EZR: variants seen among roughly 807,000 people sequenced by gnomAD.
EZR encodes cytovillin 2.
A neutral mutation model predicts 74.8 loss-of-function variants in EZR; 40 were observed. The observed-to-expected ratio is 0.53, with a 90% CI of 0.42 to 0.70. The LOEUF (loss-of-function observed/expected upper bound fraction) is 0.70. Among genes scored for constraint, EZR ranks in the 30% least tolerant of loss-of-function variants. The pLI is 0.00. For missense variants in EZR, 678 were observed against 755.8 expected (o/e 0.90, Z 1.21); for synonymous variants, 341 against 283.3 (o/e 1.20, Z -2.05).
intron 2 of EZR, among the ~76,000 whole-genome samples, chr6:158,804,354 TTCTCA>T (rs1463079950): frequency 2.0e-5 from 3 of 152,236 alleles, no homozygotes; most frequent in African/African-American, 4.8e-5. Flanking sequence ...ATCTACATCC[TTCTCA>T]TCTCCTTACC....
At chr6:158,817,809 G>C (rs1470045055) in intron 2 of EZR, among the ~76,000 whole-genome samples, 1 of 152,086 alleles carries the variant, frequency 6.6e-6, no homozygotes, top group African/African-American at 2.4e-5. Context: ...AGTGTAAAAA[G>C]GCCTCTAGTT....
intron 8 of EZR, among the ~76,000 whole-genome samples, chr6:158,772,639 C>G (rs1385224089): frequency 6.6e-6 from 1 of 152,212 alleles, no homozygotes; most frequent in East Asian, 1.9e-4. Flanking sequence ...GGTCCCAACT[C>G]CTTGCTACTG....
intron 1 of EZR, among the ~76,000 whole-genome samples, chr6:158,818,420 G>GC (rs899494658): frequency 2.0e-5 from 3 of 151,134 alleles, no homozygotes; most frequent in African/African-American, 4.9e-5. Flanking sequence ...CACTGGAGGT[G>GC]CCCCCCAGTT....
intron 8 of EZR, among the ~76,000 whole-genome samples, chr6:158,773,723 C>T (rs985851016): frequency 2.0e-5 from 3 of 152,248 alleles, no homozygotes; most frequent in African/African-American, 4.8e-5. Flanking sequence ...AAAAAGGCAG[C>T]GGGGCTCCTG....
At chr6:158,797,098 T>C (rs1777089849) in intron 2 of EZR, among the ~76,000 whole-genome samples, 1 of 152,238 alleles carries the variant, frequency 6.6e-6, no homozygotes, top group Non-Finnish European at 1.5e-5. Flanking sequence ...GAAGCATCCA[T>C]TTCCTCTGAA....
intron 2 of EZR, among the ~76,000 whole-genome samples, chr6:158,804,863 C>T (rs902278674): frequency 6.6e-6 from 1 of 150,638 alleles, no homozygotes; most frequent in Non-Finnish European, 1.5e-5. Context: ...GCTGCACCCA[C>T]TAACTCGTCA....
chr6:158,785,876 A>AT (rs1791566240), intron 4 of EZR, among the ~76,000 whole-genome samples: 1 of 151,988 alleles, frequency 6.6e-6, no homozygotes, highest in Admixed American at 6.5e-5. Flanking sequence ...AAGAGATCCC[A>AT]TCTCTACAAC....
In EZR at chr6:158,770,880, G is replaced by A. The variant is rs1791085290; in HGVS notation, c.974C>T (p.Thr325Ile). 6.2e-7 allele frequency: 1 copy of A among 1,614,164 alleles called. No individual in the cohort carries two copies. Among genetic ancestry groups the A allele is most frequent in the Non-Finnish European group, 8.5e-7 (1 of 1,180,026 alleles). Residue 325 changes from threonine (T) to isoleucine (I), a missense_variant, in exon 10 of 14, where the codon ACA (threonine) becomes ATA (isoleucine). Coordinates refer to ENST00000367075, the MANE Select transcript of EZR (RefSeq NM_001111077.2). ...CACGGTTTCTCTCCTTTTCTTCTCT[G>A]TTTCCAGCTGTTGCCTGGTGCAGGG... is the stretch of plus-strand genomic sequence containing the variant. Reference protein sequence around the residue: ...QKQLERQQLETEKKRRETVER... With the variant: ...QKQLERQQLEIEKKRRETVER...
At chr6:158,771,442 T>G (rs1791106190) in intron 8 of EZR, 35 bp from the exon 9 acceptor site, 6 of 1,540,788 alleles carry the variant, frequency 3.9e-6, no homozygotes, top group South Asian at 2.5e-5. Flanking sequence ...GGACTCAAGC[T>G]CCTTCGTTTG....
intron 8 of EZR, among the ~76,000 whole-genome samples, chr6:158,773,945 A>G (rs1352937014): frequency 1.3e-5 from 2 of 152,210 alleles, no homozygotes; most frequent in African/African-American, 4.8e-5. Flanking sequence ...CTAAAGAGCC[A>G]AAGTGTGGCC....
At chr6:158,794,495 TG>T (rs1262908325) in intron 2 of EZR, among the ~76,000 whole-genome samples, 1 of 152,236 alleles carries the variant, frequency 6.6e-6, no homozygotes, top group Non-Finnish European at 1.5e-5. Context: ...AAGATGGTAC[TG>T]GGACTGTATG....
rs58499377 is a variant in EZR, at chr6:158,811,875, C to CAAAA, written c.12+6203_12+6206dup. 1.3e-3 allele frequency among the ~76,000 whole-genome samples: 177 copies of CAAAA among 140,720 alleles called. 2 individuals carry two copies. Among genetic ancestry groups the CAAAA allele is most frequent in the Non-Finnish European group, 1.5e-3 (99 of 65,250 alleles). The allele number at this position is 140,720 out of a possible 152,430, so 92.3% of individuals were successfully genotyped here. ...GGGTGACAGAGTGAGACCCTGTTTC[C>CAAAA]AAAAAAAAAAAATTCACATTATTTC... On this transcript the variant is annotated intron_variant, in intron 2 of 13. Coordinates refer to ENST00000367075, the MANE Select transcript of EZR (RefSeq NM_001111077.2).
At chr6:158,803,577 A>G (rs1269501960) in intron 2 of EZR, among the ~76,000 whole-genome samples, 1 of 35,738 alleles carries the variant, frequency 2.8e-5, no homozygotes, top group Admixed American at 3.2e-4. Flanking sequence ...ATATATATAT[A>G]TATACATATA....
rs6935806 is a variant in EZR, at chr6:158,803,606, C to A, written c.13-14235G>T. Among the ~76,000 whole-genome samples, 2 of 36,052 alleles carry A rather than the reference C, an allele frequency of 5.5e-5. 1 individual carries two copies. 23.7% of individuals were successfully genotyped at this position (36,052 alleles called of 152,430 possible). Reference sequence around the variant, plus strand: ...ACATATATATATATATATATATATACATATATATATATATATATACATATA... The same window carrying A: ...ACATATATATATATATATATATATAAATATATATATATATATATACATATA... On this transcript the variant is annotated intron_variant, in intron 2 of 13. Transcript: ENST00000367075.
At chr6:158,767,883 GTCCT>G (rs1246949644) in intron 12 of EZR, among the ~76,000 whole-genome samples, 1 of 152,044 alleles carries the variant, frequency 6.6e-6, no homozygotes, top group African/African-American at 2.4e-5. Flanking sequence ...GCCACTTGCA[GTCCT>G]TCCAACAGCT....
intron 2 of EZR, among the ~76,000 whole-genome samples, chr6:158,810,718 G>GT (rs1562507887): frequency 6.6e-6 from 1 of 151,990 alleles, no homozygotes; most frequent in Admixed American, 6.6e-5. Flanking sequence ...AACTTTACCC[G>GT]TTTATAGGAA....
In EZR at chr6:158,766,655, G is replaced by T; in HGVS notation, c.*259C>A. On this transcript the variant is annotated 3_prime_UTR_variant, in exon 14 of 14. Coordinates refer to ENST00000367075, the MANE Select transcript of EZR (RefSeq NM_001111077.2). ...ACAGGCATTTTCCGTAATTCAATCA[G>T]TCCTGCTCCCAGCACAACACAGGAG... 1 of 527,526 alleles carries T rather than the reference G, an allele frequency of 1.9e-6. No individual in the cohort carries two copies. Among genetic ancestry groups the T allele is most frequent in the Non-Finnish European group, 3.4e-6 (1 of 295,264 alleles). The allele number at this position is 527,526 out of a possible 1,614,324, so 32.7% of individuals were successfully genotyped here.
chr6:158,809,192 C>T (rs1442845107), intron 2 of EZR, among the ~76,000 whole-genome samples: 2 of 150,794 alleles, frequency 1.3e-5, no homozygotes, highest in Non-Finnish European at 3.0e-5. Context: ...AGGTGGAGAC[C>T]GAGTTCTATG....
intron 2 of EZR, among the ~76,000 whole-genome samples, chr6:158,812,888 C>T (rs1484439275): frequency 6.6e-6 from 1 of 152,122 alleles, no homozygotes; most frequent in Non-Finnish European, 1.5e-5. Context: ...ATCAATTCTA[C>T]CTCCCAAAGA....
Sources: allele counts gnomAD v4.1 joint callset (sites outside exome capture counted in the v4.1 genomes callset), GRCh38; gene constraint gnomAD v4.1.1; transcripts MANE v1.5; gene names NCBI Gene and HGNC (gene_info 2026-07-23, HGNC 2026-07-21).